The following PKD2L2 variants were observed in gnomAD, a reference collection of about 807,000 sequenced individuals.
PKD2L2 encodes the protein polycystin-2-like protein 2.
A neutral mutation model predicts 83.9 loss-of-function variants in PKD2L2; 67 were observed. That is an observed-to-expected ratio of 0.80 (90% CI 0.66 to 0.98). The LOEUF is 0.98. PKD2L2 is among the 50% of genes least tolerant of loss of function. PKD2L2 has a pLI of 0.00. For synonymous variants in PKD2L2, 223 were observed against 237.8 expected (o/e 0.94, Z 0.57); for missense variants, 632 against 717.2 (o/e 0.88, Z 1.36).
chr5:137,929,918 A>G (rs1759726010), intron 12 of PKD2L2, among the ~76,000 whole-genome samples: 1 of 152,210 alleles, frequency 6.6e-6, no homozygotes, highest in Non-Finnish European at 1.5e-5. Context: ...ATATAAATCA[A>G]AGGATTCTAG....
At chr5:137,931,882 TAA>T (rs1759906440) in intron 12 of PKD2L2, among the ~76,000 whole-genome samples, 1 of 152,086 alleles carries the variant, frequency 6.6e-6, no homozygotes, top group Admixed American at 6.5e-5. Flanking sequence ...AAAATTACAA[TAA>T]AAAGATAATT....
chr5:137,917,024 T>G (rs911411985), intron 8 of PKD2L2, among the ~76,000 whole-genome samples: 7 of 152,152 alleles, frequency 4.6e-5, no homozygotes, highest in Non-Finnish European at 1.0e-4. Flanking sequence ...TCATCAAACT[T>G]GGGAAGTTTT....
chr5:137,895,139 G>A (rs1197355219), intron 4 of PKD2L2, among the ~76,000 whole-genome samples: 2 of 152,138 alleles, frequency 1.3e-5, no homozygotes, highest in Non-Finnish European at 2.9e-5. Context: ...AAGTGACTGA[G>A]GCTAGTGCTG....
intron 5 of PKD2L2, among the ~76,000 whole-genome samples, chr5:137,904,666 G>A (rs1406605154): frequency 1.3e-5 from 2 of 152,144 alleles, no homozygotes; most frequent in African/African-American, 2.4e-5. Context: ...CAGGAAGTAC[G>A]CTTAGTACCC....
rs755948825 is a variant in PKD2L2 at position 137,906,179 on chromosome 5, G to A, written c.747-27G>A. The A allele has an allele frequency of 4.3e-5, 58 of 1,352,690 alleles. 1 individual carries two copies. The South Asian group carries it at 4.5e-4, about 10-fold the overall frequency. 83.8% of individuals were successfully genotyped at this position (1,352,690 alleles called of 1,614,324 possible). On this transcript the variant is annotated intron_variant, in intron 5 of 14. Coordinates refer to ENST00000508883, the MANE Select transcript of PKD2L2 (RefSeq NM_001300921.2). The stretch of plus-strand genomic sequence containing the variant: ...GAAATATAAATGCTTGAAATGAACA[G>A]TTGCTTTCACAAACCTGATTTTACA...
chr5:137,899,270 C>T (rs944116204), intron 4 of PKD2L2, among the ~76,000 whole-genome samples: 3 of 152,106 alleles, frequency 2.0e-5, no homozygotes, highest in African/African-American at 7.2e-5. Context: ...GCACATGCCA[C>T]CATGCCTGGC....
chr5:137,899,905 T>C (rs1756808153), intron 5 of PKD2L2, among the ~76,000 whole-genome samples, 168 bp downstream of exon 5: 2 of 152,066 alleles, frequency 1.3e-5, no homozygotes, highest in African/African-American at 2.4e-5. Context: ...TTTGTGACAA[T>C]TTGAAAAAAC....
At chr5:137,893,832 C>G (rs900829323) in intron 3 of PKD2L2, among the ~76,000 whole-genome samples, 1 of 152,128 alleles carries the variant, frequency 6.6e-6, no homozygotes, top group Non-Finnish European at 1.5e-5. Context: ...GTGGAGGTCA[C>G]CTTGCCACTT....
At chr5:137,923,379 T>G (rs535009828) in intron 9 of PKD2L2, 41 bp from the exon 10 acceptor site, 5 of 963,000 alleles carry the variant, frequency 5.2e-6, no homozygotes, top group African/African-American at 5.0e-5. Context: ...ACATTTAAAC[T>G]AAATTTTTAT....
chr5:137,901,462 C>A (rs1308522255), intron 5 of PKD2L2, among the ~76,000 whole-genome samples: 1 of 151,854 alleles, frequency 6.6e-6, no homozygotes, highest in Admixed American at 6.6e-5. Flanking sequence ...GAGAAACAAG[C>A]ACAAGGATTT....
At chr5:137,937,053 G>A (rs1233607557) in intron 14 of PKD2L2, among the ~76,000 whole-genome samples, 1 of 152,188 alleles carries the variant, frequency 6.6e-6, no homozygotes, top group African/African-American at 2.4e-5. Flanking sequence ...GAGAAAGACA[G>A]TTTTCTCATA....
rs1486110300 is a variant in PKD2L2, at chr5:137,890,304, A to T, written c.32-177A>T. ...CTCAAAAAAAAAATCTGTTATTAAT[A>T]GTATATAGTAAAAAAATTATCCCTG... On this transcript the variant is annotated intron_variant, in intron 1 of 14. Transcript: ENST00000508883. The T allele has an allele frequency of 5.8e-6, 3 of 515,252 alleles. No individual in the cohort carries two copies. In the African/African-American group the frequency reaches 6.1e-5, roughly 10 times the overall value. 31.9% of individuals were successfully genotyped at this position (515,252 alleles called of 1,614,324 possible).
At chr5:137,910,282 G>A (rs1023206821) in intron 8 of PKD2L2, among the ~76,000 whole-genome samples, 3 of 146,622 alleles carry the variant, frequency 2.0e-5, no homozygotes, top group African/African-American at 7.6e-5. Flanking sequence ...ATAAAACTTG[G>A]TAATAATTGG....
At chr5:137,898,606 A>G (rs1756691205) in intron 4 of PKD2L2, among the ~76,000 whole-genome samples, 1 of 152,168 alleles carries the variant, frequency 6.6e-6, no homozygotes, top group Non-Finnish European at 1.5e-5. Context: ...TGCAGGGACT[A>G]TTCACAGGCA....
At chr5:137,902,986 C>G (rs1757087942) in intron 5 of PKD2L2, among the ~76,000 whole-genome samples, 1 of 152,198 alleles carries the variant, frequency 6.6e-6, no homozygotes, top group South Asian at 2.1e-4. Context: ...CAAGTTGGGT[C>G]TTGTATCTAG....
chr5:137,895,238 A>C (rs1339687543), intron 4 of PKD2L2, among the ~76,000 whole-genome samples: 1 of 151,842 alleles, frequency 6.6e-6, no homozygotes, highest in African/African-American at 2.4e-5. Context: ...GAAGCCAAGG[A>C]AGGAGGATTG....
intron 3 of PKD2L2, 135 bp from the exon 4 acceptor site, chr5:137,894,218 T>C: frequency 1.3e-6 from 1 of 748,718 alleles, no homozygotes; most frequent in Non-Finnish European, 2.2e-6. Context: ...TTCATTAGCA[T>C]TACCATTACC....
intron 9 of PKD2L2, 101 bp downstream of exon 9, chr5:137,921,857 C>A: frequency 1.1e-6 from 1 of 909,042 alleles, no homozygotes; most frequent in South Asian, 1.6e-5. Flanking sequence ...TGTCAGAGTA[C>A]TTTACATTTA....
In PKD2L2 at chr5:137,889,458, G is replaced by A; in HGVS notation, c.-34G>A. 1.9e-6 allele frequency: 3 copies of A among 1,585,988 alleles called. No individual in the cohort carries two copies. The highest frequency in any genetic ancestry group is 8.6e-7 in the Non-Finnish European group (1 of 1,168,418). ...CTAGCGCGCAAGCGCCGCGGCCTCA[G>A]GCGAACGAACGGGCGGTGTAGTGCA... On this transcript the variant is annotated 5_prime_UTR_variant, in exon 1 of 15. Transcript: ENST00000508883.
Sources: gnomAD v4.1 joint callset for allele counts (sites outside exome capture counted in the v4.1 genomes callset) on GRCh38, gnomAD v4.1.1 for gene constraint, MANE v1.5 for transcripts, NCBI Gene and HGNC (gene_info 2026-07-23, HGNC 2026-07-21) for gene names.